Variants in SLC16A3 observed in about 807,000 individuals in gnomAD.
The protein encoded by SLC16A3 is monocarboxylate transporter 4.
Under a neutral mutation model 25.0 loss-of-function variants are expected in SLC16A3, and 22 were observed. The ratio of observed to expected loss-of-function variants is 0.88; its 90% CI spans 0.63 to 1.26. The LOEUF (loss-of-function observed/expected upper bound fraction) is 1.26, where lower values mean the gene tolerates loss of function less well. Among genes scored for constraint, SLC16A3 ranks in the 50% most tolerant of loss-of-function variants. The pLI is 0.00. For missense variants in SLC16A3, 731 were observed against 666.6 expected (o/e 1.10, Z -1.06); for synonymous variants, 390 against 309.2 (o/e 1.26, Z -2.74).
At chr17:82,238,276 G>A (rs1011328692) in intron 4 of SLC16A3, among the ~76,000 whole-genome samples, 1 of 152,232 alleles carries the variant, frequency 6.6e-6, no homozygotes, top group African/African-American at 2.4e-5. Flanking sequence ...TCTGACTGGA[G>A]CAGCCTTGCC....
intron 1 of SLC16A3, chr17:82,229,610 C>T (rs559572066): frequency 3.3e-5 from 5 of 152,484 alleles, no homozygotes; most frequent in East Asian, 3.9e-4. Flanking sequence ...CACACCCGCC[C>T]TTGGGCAATG....
At chr17:82,235,663 G>A (rs1490881279) in intron 1 of SLC16A3, 2 of 393,870 alleles carry the variant, frequency 5.1e-6, no homozygotes, top group Non-Finnish European at 9.6e-6. Context: ...AGAAATGACG[G>A]CCAGGTCGAT....
chr17:82,227,630 C>G (rs1440862531), upstream of SLC16A3, among the ~76,000 whole-genome samples: 3 of 23,694 alleles, frequency 1.3e-4, no homozygotes, highest in African/African-American at 2.8e-4. Flanking sequence ...ACCACCTGCC[C>G]TGGGCGGGAG....
Position 82,238,725 on chromosome 17 carries a change from G to GTCTAC in SLC16A3, c.1148_1152dup (p.Met385SerfsTer18), listed in dbSNP as rs1471579286. 1.2e-6 allele frequency: 2 copies of GTCTAC among 1,611,608 alleles called. No individual in the cohort carries two copies. The highest frequency in any genetic ancestry group is 4.5e-5 in the East Asian group (2 of 44,872). On this transcript the variant is annotated frameshift_variant, in exon 5 of 5. Coordinates refer to ENST00000582743, the MANE Select transcript of SLC16A3 (RefSeq NM_004207.4). LOFTEE classifies it low-confidence loss of function (END_TRUNC). ...AGGCAAACTCCTGGATGCGACCCAC[G>GTCTAC]TCTACATGTACGTGTTCATCCTGGC...
chr17:82,235,487 A>C (rs2050581390), intron 1 of SLC16A3: 1 of 160,298 alleles, frequency 6.2e-6, no homozygotes, highest in Non-Finnish European at 1.4e-5. Context: ...GGAGAGCCAG[A>C]GCAAGGCACG....
At chr17:82,236,935 C>G (rs1397121230) in intron 3 of SLC16A3, 63 bp downstream of exon 3, 1 of 1,582,948 alleles carries the variant, frequency 6.3e-7, no homozygotes, top group African/African-American at 1.3e-5. Context: ...CACTTCTGCT[C>G]CTGGGTCCAG....
In SLC16A3 at chr17:82,236,976, C is replaced by T. The variant is rs145837713; in HGVS notation, c.367+104C>T. On this transcript the variant is annotated intron_variant, in intron 3 of 4. Coordinates refer to ENST00000582743, the MANE Select transcript of SLC16A3 (RefSeq NM_004207.4). The stretch of plus-strand genomic sequence containing the variant: ...TGGAGGACAGCAGGGCGGGTGGCTG[C>T]GGGGTGTCCCGGCCCCACCTCGTTG... The T allele has an allele frequency of 2.0e-3, 2,927 of 1,499,858 alleles. 49 individuals are homozygous for T. In the African/African-American group the frequency reaches 0.033, roughly 17 times the overall value. 92.9% of individuals were successfully genotyped at this position (1,499,858 alleles called of 1,614,324 possible).
At chr17:82,221,942 C>A (rs2050391066) in intron 1 of SLC16A3, among the ~76,000 whole-genome samples, 1 of 152,238 alleles carries the variant, frequency 6.6e-6, no homozygotes, top group Non-Finnish European at 1.5e-5. Flanking sequence ...GAAACTGGAA[C>A]CCTTGAACAC....
intron 1 of SLC16A3, among the ~76,000 whole-genome samples, chr17:82,218,770 A>G (rs2050371619): frequency 6.6e-6 from 1 of 152,190 alleles, no homozygotes; most frequent in South Asian, 2.1e-4. Context: ...GAGAACGGGC[A>G]GCAGGGACGA....
At position 82,238,748 on chromosome 17, in the gene SLC16A3, G is replaced by A. The variant is rs1382455531; in HGVS notation, c.1170G>A (p.Leu390=). The A allele has an allele frequency of 6.2e-7, 1 of 1,612,450 alleles. No individual in the cohort carries two copies. The highest frequency in any genetic ancestry group is 8.5e-7 in the Non-Finnish European group (1 of 1,179,914). Residue 390 remains leucine (L), a synonymous_variant, in exon 5 of 5, where the codon CTG becomes CTA. Coordinates refer to ENST00000582743, the MANE Select transcript of SLC16A3 (RefSeq NM_004207.4). ...ACGTCTACATGTACGTGTTCATCCTGGCGGGGGCCGAGGTGCTCACCTCCT... is the reference window on the plus strand; with the variant it reads ...ACGTCTACATGTACGTGTTCATCCTAGCGGGGGCCGAGGTGCTCACCTCCT... ...ATHVYMYVFI[L]AGAEVLTSSL...
intron 3 of SLC16A3, 131 bp downstream of exon 3, chr17:82,237,003 C>G: frequency 6.8e-7 from 1 of 1,462,796 alleles, no homozygotes; most frequent in Non-Finnish European, 9.2e-7. Flanking sequence ...ACCTCGTTGT[C>G]CCCCTCTCGA....
chr17:82,238,749 GC>G lies in SLC16A3; in HGVS notation c.1172del (p.Ala391GlyfsTer10). ...CGTCTACATGTACGTGTTCATCCTG[GC>G]GGGGGCCGAGGTGCTCACCTCCTCC... is the stretch of plus-strand genomic sequence containing the variant. The part of the protein sequence containing the change: ...THVYMYVFIL[A>X]GAEVLTSSLI... On this transcript the variant is annotated frameshift_variant, in exon 5 of 5. Coordinates refer to ENST00000582743, the MANE Select transcript of SLC16A3 (RefSeq NM_004207.4). LOFTEE classifies it low-confidence loss of function (END_TRUNC). 6.2e-7 allele frequency: 1 copy of G among 1,612,586 alleles called. No individual in the cohort carries two copies. Among genetic ancestry groups the G allele is most frequent in the Non-Finnish European group, 8.5e-7 (1 of 1,179,902 alleles).
intron 1 of SLC16A3, chr17:82,234,940 A>C (rs530448308): frequency 1.3e-5 from 2 of 152,406 alleles, no homozygotes; most frequent in East Asian, 3.9e-4. Flanking sequence ...GCACGGTCCC[A>C]GCAGGGAGAG....
At chr17:82,220,740 T>C (rs758383977) in intron 1 of SLC16A3, among the ~76,000 whole-genome samples, 11 of 152,146 alleles carry the variant, frequency 7.2e-5, no homozygotes, top group Non-Finnish European at 8.8e-5. Flanking sequence ...TAAGTATCAA[T>C]GCAAAATAGA....
At chr17:82,221,902 T>A (rs2050390861) in intron 1 of SLC16A3, among the ~76,000 whole-genome samples, 1 of 152,128 alleles carries the variant, frequency 6.6e-6, no homozygotes, top group Non-Finnish European at 1.5e-5. Flanking sequence ...AACCTCCACA[T>A]AAAATAACAG....
In SLC16A3 at chr17:82,239,086, C is replaced by CCG. The variant is rs1443011639; in HGVS notation, c.*110_*111insCG. On this transcript the variant is annotated 3_prime_UTR_variant, in exon 5 of 5. Transcript: ENST00000582743. ...AGGCAGGGCCACGGCTGGGCTCCAGCTGCCGGCCCAGCGGATCGTCGCCCG... is the reference window on the plus strand; with the variant it reads ...AGGCAGGGCCACGGCTGGGCTCCAGCCGTGCCGGCCCAGCGGATCGTCGCCCG... 9.1e-7 allele frequency: 1 copy of CCG among 1,104,162 alleles called. No individual in the cohort carries two copies. Among genetic ancestry groups the CCG allele is most frequent in the Non-Finnish European group, 1.3e-6 (1 of 797,166 alleles). 68.4% of individuals were successfully genotyped at this position (1,104,162 alleles called of 1,614,324 possible). A position where few individuals can be genotyped will look rare whatever the true frequency, so the allele number is the denominator to read the frequency against.
Position 82,239,663 on chromosome 17 carries a change from G to T in SLC16A3, c.*687G>T. 1 of 307,864 alleles carries T rather than the reference G, an allele frequency of 3.2e-6. No individual in the cohort carries two copies. Among genetic ancestry groups the T allele is most frequent in the Non-Finnish European group, 5.9e-6 (1 of 168,394 alleles). 19.1% of individuals were successfully genotyped at this position (307,864 alleles called of 1,614,324 possible). On this transcript the variant is annotated 3_prime_UTR_variant, in exon 5 of 5. Coordinates refer to ENST00000582743, the MANE Select transcript of SLC16A3 (RefSeq NM_004207.4). ...GCTGCGGGGCAGGTGCCTGGAGGCCGCTGTGCCAGGGTGGCCTCTGAAATG... is the reference window on the plus strand; with the variant it reads ...GCTGCGGGGCAGGTGCCTGGAGGCCTCTGTGCCAGGGTGGCCTCTGAAATG...
In SLC16A3 at chr17:82,239,083, C is replaced by T; in HGVS notation, c.*107C>T. 1 of 1,117,898 alleles carries T rather than the reference C, an allele frequency of 8.9e-7. No homozygotes were observed. Among genetic ancestry groups the T allele is most frequent in the African/African-American group, 1.6e-5 (1 of 63,830 alleles). The allele number at this position is 1,117,898 out of a possible 1,614,324, so 69.2% of individuals were successfully genotyped here. On this transcript the variant is annotated 3_prime_UTR_variant, in exon 5 of 5. Coordinates refer to ENST00000582743, the MANE Select transcript of SLC16A3 (RefSeq NM_004207.4). ...CTCAGGCAGGGCCACGGCTGGGCTCCAGCTGCCGGCCCAGCGGATCGTCGC... is the reference window on the plus strand; with the variant it reads ...CTCAGGCAGGGCCACGGCTGGGCTCTAGCTGCCGGCCCAGCGGATCGTCGC...
rs192789227 is a variant in SLC16A3 at position 82,229,350 on chromosome 17, G to T, written c.-27+244G>T. On this transcript the variant is annotated intron_variant, in intron 1 of 4. Coordinates refer to ENST00000582743, the MANE Select transcript of SLC16A3 (RefSeq NM_004207.4). The stretch of plus-strand genomic sequence containing the variant: ...CTGGCTGCCCAGTCTCGTCTCCCCC[G>T]GTCCGGCCCGGCGCCCACCCGTCGG... 3.3e-3 allele frequency: 502 copies of T among 152,188 alleles called. 3 individuals are homozygous for T. The highest frequency in any genetic ancestry group is 0.01 in the Middle Eastern group (3 of 294). The allele number at this position is 152,188 out of a possible 1,614,324, so 9.4% of individuals were successfully genotyped here. A position where few individuals can be genotyped will look rare whatever the true frequency, so the allele number is the denominator to read the frequency against.
Sources: allele counts gnomAD v4.1 joint callset (sites outside exome capture counted in the v4.1 genomes callset), GRCh38; gene constraint gnomAD v4.1.1; transcripts MANE v1.5; gene names NCBI Gene and HGNC (gene_info 2026-07-23, HGNC 2026-07-21).